The following TTC28 variants were observed in gnomAD, a reference collection of about 807,000 sequenced individuals.
TTC28 encodes the protein tetratricopeptide repeat protein 28.
Under a neutral mutation model 198.0 loss-of-function variants are expected in TTC28, and 61 were observed. The ratio of observed to expected loss-of-function variants is 0.31; its 90% CI spans 0.25 to 0.38. TTC28 has a LOEUF of 0.38. Ranked by LOEUF, TTC28 falls within the 10% of genes least tolerant of loss-of-function variation. The pLI is 1.00. For synonymous variants in TTC28, 1,171 were observed against 1,297.8 expected (o/e 0.90, Z 2.10); for missense variants, 2,678 against 3,164.0 (o/e 0.85, Z 3.69).
rs935710050 is a variant in TTC28, at chr22:28,161,746, G to C, written c.1441+1346C>G. Among the ~76,000 whole-genome samples the C allele has an allele frequency of 3.5e-5, 5 of 144,840 alleles. No individual in the cohort carries two copies. The Admixed American group carries it at 3.5e-4, about 10-fold the overall frequency. On this transcript the variant is annotated intron_variant, in intron 6 of 22. Coordinates refer to ENST00000397906, the MANE Select transcript of TTC28 (RefSeq NM_001145418.2). ...AAGAGGACAGGACAGGACAGGACAG[G>C]ACAGGACAGGAAAGGAAAGGAGGAA... is the stretch of plus-strand genomic sequence containing the variant.
chr22:28,656,346 A>C (rs1449884726), intron 1 of TTC28, among the ~76,000 whole-genome samples: 1 of 152,226 alleles, frequency 6.6e-6, no homozygotes, highest in African/African-American at 2.4e-5. Context: ...AGAGATAAAG[A>C]AATGTCATTA....
intron 6 of TTC28, among the ~76,000 whole-genome samples, chr22:28,154,076 G>A (rs1302133040): frequency 1.3e-5 from 2 of 152,078 alleles, no homozygotes; most frequent in African/African-American, 2.4e-5. Flanking sequence ...TTTCCTAATT[G>A]CAGTTCATCC....
chr22:28,566,242 A>C (rs1369285577), intron 2 of TTC28, among the ~76,000 whole-genome samples: 3 of 152,150 alleles, frequency 2.0e-5, no homozygotes, highest in African/African-American at 7.2e-5. Context: ...CATACTCCTT[A>C]ATGACTGGCC....
intron 1 of TTC28, among the ~76,000 whole-genome samples, chr22:28,648,697 T>G: frequency 6.6e-6 from 1 of 152,098 alleles, no homozygotes; most frequent in East Asian, 1.9e-4. Context: ...TCACCTGAGC[T>G]CCAGAATTCG....
chr22:28,228,402 T>C (rs964138243), intron 5 of TTC28, among the ~76,000 whole-genome samples: 6 of 152,148 alleles, frequency 3.9e-5, no homozygotes, highest in African/African-American at 1.4e-4. Context: ...AAAATAAATT[T>C]TAAAAATACA....
intron 2 of TTC28, among the ~76,000 whole-genome samples, chr22:28,554,550 C>T (rs2049756912): frequency 6.6e-6 from 1 of 152,096 alleles, no homozygotes; most frequent in South Asian, 2.1e-4. Flanking sequence ...CTTAATTAAA[C>T]TTAAAAGCTT....
At chr22:28,313,856 C>T (rs530734994) in intron 2 of TTC28, among the ~76,000 whole-genome samples, 2 of 152,094 alleles carry the variant, frequency 1.3e-5, no homozygotes, top group South Asian at 2.1e-4. Flanking sequence ...TGGAAGTTCT[C>T]GCCAGGGCAA....
intron 2 of TTC28, among the ~76,000 whole-genome samples, chr22:28,446,474 A>G (rs536599869): frequency 6.6e-6 from 1 of 152,162 alleles, no homozygotes; most frequent in Non-Finnish European, 1.5e-5. Context: ...GGTTCGGATC[A>G]TGGGGCTGGA....
intron 5 of TTC28, among the ~76,000 whole-genome samples, chr22:28,293,558 A>AG (rs1393543976): frequency 1.3e-5 from 2 of 152,202 alleles, no homozygotes; most frequent in African/African-American, 4.8e-5. Context: ...AATGTATACC[A>AG]GAAAGCTACA....
At chr22:28,280,530 G>T (rs2044565015) in intron 5 of TTC28, among the ~76,000 whole-genome samples, 1 of 152,086 alleles carries the variant, frequency 6.6e-6, no homozygotes, top group Admixed American at 6.5e-5. Flanking sequence ...TAGAGATGGG[G>T]TTTCACCATG....
chr22:28,080,485 T>C (rs561294797), intron 12 of TTC28, among the ~76,000 whole-genome samples: 39 of 152,350 alleles, frequency 2.6e-4, no homozygotes, highest in Non-Finnish European at 4.6e-4. Flanking sequence ...GTTTACCTCT[T>C]TGAAGAAATG....
At chr22:28,363,934 G>A (rs1002005760) in intron 2 of TTC28, among the ~76,000 whole-genome samples, 13 of 152,098 alleles carry the variant, frequency 8.5e-5, no homozygotes, top group African/African-American at 2.7e-4. Context: ...CAGGCTCGTC[G>A]GTGGAAGGGA....
At chr22:28,137,501 A>G (rs1465875190) in intron 6 of TTC28, among the ~76,000 whole-genome samples, 1 of 152,024 alleles carries the variant, frequency 6.6e-6, no homozygotes, top group Non-Finnish European at 1.5e-5. Flanking sequence ...ACCTTAAACA[A>G]ACACTGTGAG....
At chr22:28,429,077 A>G (rs1353142716) in intron 2 of TTC28, among the ~76,000 whole-genome samples, 6 of 152,246 alleles carry the variant, frequency 3.9e-5, no homozygotes, top group Admixed American at 3.3e-4. Flanking sequence ...TCATTATGAT[A>G]TAAATAGCCA....
chr22:28,042,778 T>C (rs1939703541), intron 12 of TTC28, among the ~76,000 whole-genome samples: 1 of 150,280 alleles, frequency 6.7e-6, no homozygotes, highest in Admixed American at 6.6e-5. Context: ...AAAGAAAGGC[T>C]GGGAGACATC....
At chr22:28,134,783 T>C (rs1375044256) in intron 6 of TTC28, among the ~76,000 whole-genome samples, 1 of 152,262 alleles carries the variant, frequency 6.6e-6, no homozygotes, top group African/African-American at 2.4e-5. Flanking sequence ...TGCAGGATAT[T>C]ATCCAGGAGA....
Position 28,547,215 on chromosome 22 carries a change from AGTGTGTGTGT to A in TTC28, c.381+82327_381+82336del, listed in dbSNP as rs113464807. On this transcript the variant is annotated intron_variant, in intron 2 of 22. Transcript: ENST00000397906. ...CTGCATGTGTGTATGTGTGTGTGTG[AGTGTGTGTGT>A]GTGTGTGTGTCTTATGCACACATAC... Among the ~76,000 whole-genome samples the A allele has an allele frequency of 4.0e-5, 6 of 149,696 alleles. No individual in the cohort carries two copies. In the East Asian group the frequency reaches 1.2e-3, roughly 29 times the overall value.
chr22:28,483,268 A>T (rs1340549692), intron 2 of TTC28, among the ~76,000 whole-genome samples: 5 of 152,154 alleles, frequency 3.3e-5, no homozygotes, highest in African/African-American at 1.2e-4. Flanking sequence ...AAGCATACAG[A>T]CATGTAAGTG....
At chr22:28,356,791 C>T (rs1396607862) in intron 2 of TTC28, among the ~76,000 whole-genome samples, 1 of 152,122 alleles carries the variant, frequency 6.6e-6, no homozygotes, top group Non-Finnish European at 1.5e-5. Flanking sequence ...AAAGCTGGCT[C>T]GTAGCGGGTT....
Sources: gnomAD v4.1 joint callset for allele counts (sites outside exome capture counted in the v4.1 genomes callset) on GRCh38, gnomAD v4.1.1 for gene constraint, MANE v1.5 for transcripts, NCBI Gene and HGNC (gene_info 2026-07-23, HGNC 2026-07-21) for gene names.